Variants in NBEA observed in about 807,000 individuals in gnomAD.
NBEA encodes neurobeachin, also known as lysosomal-trafficking regulator 2.
A neutral mutation model predicts 343.4 loss-of-function variants in NBEA; 44 were observed. The ratio of observed to expected loss-of-function variants is 0.13; its 90% CI spans 0.10 to 0.16. NBEA has a LOEUF of 0.16. Among genes scored for constraint, NBEA ranks in the 10% least tolerant of loss-of-function variants. The pLI is 1.00. For synonymous variants in NBEA, 1,175 were observed against 1,238.7 expected, an observed-to-expected ratio of 0.95 and a Z score of 1.08; for missense variants, 2,555 against 3,631.3, an observed-to-expected ratio of 0.70 and a Z score of 7.62.
intron 34 of NBEA, among the ~76,000 whole-genome samples, chr13:35,271,939 A>G (rs966831613): frequency 2.0e-5 from 3 of 152,220 alleles, no homozygotes. Context: ...TCTTCAGGAT[A>G]TTATCCAGGA....
Position 35,195,988 on chromosome 13 carries a change from C to T in NBEA, c.5052C>T (p.Ser1684=). The change falls in exon 31 of 59, where the codon AGC becomes AGT. Residue 1684 remains serine, a synonymous_variant. Coordinates refer to ENST00000379939, the MANE Select transcript of NBEA (RefSeq NM_001385012.1). ...GAATTGGAGAGGAGCAAGTGGCTAG[C>T]ATCCTGAATGGGGCAGAATTAGAAA... ...DSGIGEEQVA[S]ILNGAELETS... is the part of the protein sequence containing the mutation. 6.2e-7 allele frequency: 1 copy of T among 1,613,638 alleles called. No homozygotes were observed. Among genetic ancestry groups the T allele is most frequent in the South Asian group, 1.1e-5 (1 of 91,084 alleles).
rs768882480 is a variant in NBEA at position 34,996,889 on chromosome 13, A to C, written c.295-44044A>C. On this transcript the variant is annotated intron_variant, in intron 1 of 58. Transcript: ENST00000379939. ...GAAATGAAAAATTGCCAGTAATCTC[A>C]TTGCTCCATGGTCACTATTGTAAAC... 7.7e-4 allele frequency among the ~76,000 whole-genome samples: 118 copies of C among 152,288 alleles called. 1 individual carries two copies. The highest frequency in any genetic ancestry group is 1.3e-3 in the Non-Finnish European group (85 of 68,000).
At chr13:35,221,931 C>T (rs187611244) in intron 33 of NBEA, among the ~76,000 whole-genome samples, 202 of 152,270 alleles carry the variant, frequency 1.3e-3, no homozygotes, top group African/African-American at 4.8e-3. Context: ...AGAGTTTCTT[C>T]TTCAGGATCA....
chr13:35,627,652 A>G (rs1193497592), intron 48 of NBEA, among the ~76,000 whole-genome samples: 2 of 152,158 alleles, frequency 1.3e-5, no homozygotes, highest in Non-Finnish European at 2.9e-5. Context: ...AAATAAATGT[A>G]TATCAGAGTT....
intron 10 of NBEA, among the ~76,000 whole-genome samples, chr13:35,095,603 C>A (rs905943485): frequency 8.6e-5 from 13 of 151,566 alleles, no homozygotes; most frequent in African/African-American, 3.1e-4. Flanking sequence ...GAAAAAACAC[C>A]CACTAGGTTA....
intron 34 of NBEA, among the ~76,000 whole-genome samples, chr13:35,238,372 G>T (rs563353295): frequency 6.6e-6 from 1 of 152,124 alleles, no homozygotes; most frequent in Non-Finnish European, 1.5e-5. Context: ...CCTTTGATTC[G>T]CAAAGCAACT....
intron 48 of NBEA, among the ~76,000 whole-genome samples, chr13:35,613,893 G>A (rs2082627162): frequency 6.6e-6 from 1 of 152,184 alleles, no homozygotes; most frequent in African/African-American, 2.4e-5. Context: ...GAGCCACCAA[G>A]CCAGGCCTAT....
chr13:35,512,533 C>T (rs1309288853), intron 41 of NBEA, among the ~76,000 whole-genome samples: 4 of 152,196 alleles, frequency 2.6e-5, no homozygotes, highest in Admixed American at 6.5e-5. Flanking sequence ...AATCTCTGAG[C>T]GTTCTTTTCT....
At chr13:35,193,054 A>G (rs1312419165) in intron 30 of NBEA, among the ~76,000 whole-genome samples, 2 of 151,730 alleles carry the variant, frequency 1.3e-5, no homozygotes, top group Non-Finnish European at 3.0e-5. Context: ...TAACCATGAC[A>G]CTGTTTTGTT....
chr13:35,100,919 T>G (rs1406056627), intron 11 of NBEA, among the ~76,000 whole-genome samples: 1 of 152,030 alleles, frequency 6.6e-6, no homozygotes, highest in Non-Finnish European at 1.5e-5. Context: ...TATGAATTGC[T>G]TATTCTAAAT....
chr13:35,438,313 C>G (rs2045550736), intron 39 of NBEA, among the ~76,000 whole-genome samples: 1 of 152,106 alleles, frequency 6.6e-6, no homozygotes, highest in Admixed American at 6.6e-5. Flanking sequence ...TGTAATGAAT[C>G]TGGAATTAAA....
chr13:35,329,486 A>G (rs1208112022), intron 36 of NBEA, among the ~76,000 whole-genome samples: 2 of 152,012 alleles, frequency 1.3e-5, no homozygotes, highest in African/African-American at 2.4e-5. Flanking sequence ...ATCCATCATT[A>G]TAAGGAAATT....
intron 38 of NBEA, among the ~76,000 whole-genome samples, chr13:35,414,954 G>A (rs577186404): frequency 0.046 from 7,012 of 152,188 alleles, 261 homozygotes; most frequent in Non-Finnish European, 0.073. Flanking sequence ...ATCTCATTGT[G>A]GTTTTGATTT....
chr13:34,948,032 C>A (rs552343959), intron 1 of NBEA, among the ~76,000 whole-genome samples: 2 of 152,290 alleles, frequency 1.3e-5, no homozygotes, highest in Admixed American at 6.5e-5. Context: ...ATAACAAGGT[C>A]ATGTTGTTAA....
chr13:35,404,806 A>G (rs1024810301), intron 38 of NBEA, among the ~76,000 whole-genome samples: 3 of 152,126 alleles, frequency 2.0e-5, no homozygotes, highest in Non-Finnish European at 4.4e-5. Context: ...CCAAATTTAC[A>G]AGCAAGAGTA....
intron 56 of NBEA, among the ~76,000 whole-genome samples, chr13:35,666,956 A>T (rs1481198312): frequency 6.6e-6 from 1 of 152,226 alleles, no homozygotes; most frequent in Non-Finnish European, 1.5e-5. Context: ...TTGATGTGGT[A>T]CAACGCGTAA....
chr13:35,264,078 T>G (rs1291974504), intron 34 of NBEA, among the ~76,000 whole-genome samples: 1 of 149,478 alleles, frequency 6.7e-6, no homozygotes, highest in Non-Finnish European at 1.5e-5. Context: ...AAGGAGATAT[T>G]ACAACTGATA....
intron 38 of NBEA, among the ~76,000 whole-genome samples, chr13:35,407,638 AT>A (rs1433503729): frequency 6.6e-6 from 1 of 152,130 alleles, no homozygotes; most frequent in Non-Finnish European, 1.5e-5. Flanking sequence ...CCACTTTAAC[AT>A]TTCTGGTATA....
intron 34 of NBEA, among the ~76,000 whole-genome samples, chr13:35,240,998 A>G (rs1048241114): frequency 7.9e-5 from 12 of 151,858 alleles, no homozygotes; most frequent in Admixed American, 2.0e-4. Context: ...AGACCTAAAT[A>G]ATGGTGAACT....
Sources: gnomAD v4.1 joint callset for allele counts (sites outside exome capture counted in the v4.1 genomes callset) on GRCh38, gnomAD v4.1.1 for gene constraint, MANE v1.5 for transcripts, NCBI Gene and HGNC (gene_info 2026-07-23, HGNC 2026-07-21) for gene names.